Variants in ASH1L observed in about 807,000 individuals in gnomAD.
ASH1L encodes ASH1 like histone lysine methyltransferase.
A neutral mutation model predicts 269.0 loss-of-function variants in ASH1L; 23 were observed. That is an observed-to-expected ratio of 0.09 (90% CI 0.06 to 0.12). ASH1L has a LOEUF of 0.12. Among genes scored for constraint, ASH1L ranks in the 10% least tolerant of loss-of-function variants. ASH1L has a pLI of 1.00. For synonymous variants in ASH1L, 1,187 were observed against 1,253.5 expected, an observed-to-expected ratio of 0.95 and a Z score of 1.12; for missense variants, 2,912 against 3,567.8, an observed-to-expected ratio of 0.82 and a Z score of 4.68.
intron 1 of ASH1L, among the ~76,000 whole-genome samples, chr1:155,531,381 CAG>C (rs1281085051): frequency 1.3e-5 from 2 of 148,800 alleles, no homozygotes; most frequent in African/African-American, 5.0e-5. Flanking sequence ...TTTTTTGAAA[CAG>C]AGTCTCCCTG....
chr1:155,448,219 G>C (rs1663177346), intron 4 of ASH1L, among the ~76,000 whole-genome samples: 1 of 152,182 alleles, frequency 6.6e-6, no homozygotes, highest in South Asian at 2.1e-4. Context: ...CTATTTTTAT[G>C]CTAGTACCAT....
At chr1:155,345,962 C>T in intron 21 of ASH1L, 1 of 353,216 alleles carries the variant, frequency 2.8e-6, no homozygotes, top group East Asian at 7.8e-5. Context: ...CACCCAAGTA[C>T]CTGAGACTTC....
At chr1:155,360,902 C>G (rs115570723) in intron 12 of ASH1L, among the ~76,000 whole-genome samples, 282 of 152,132 alleles carry the variant, frequency 1.9e-3, no homozygotes, top group African/African-American at 6.6e-3. Context: ...GCCTGTATTC[C>G]CCGCACTTTG....
intron 12 of ASH1L, among the ~76,000 whole-genome samples, chr1:155,368,815 A>G (rs1238121461): frequency 6.6e-6 from 1 of 152,260 alleles, no homozygotes; most frequent in Non-Finnish European, 1.5e-5. Context: ...AGTTGTTCAC[A>G]GTAATTGATA....
Position 155,474,709 on chromosome 1 carries a change from G to GA in ASH1L, c.4984+3176dup, listed in dbSNP as rs903380595. Among the ~76,000 whole-genome samples, 376 of 143,500 alleles carry GA rather than the reference G, an allele frequency of 2.6e-3. 6 individuals are homozygous for GA. In the East Asian group the frequency reaches 0.054, roughly 21 times the overall value. 94.1% of individuals were successfully genotyped at this position (143,500 alleles called of 152,430 possible). On this transcript the variant is annotated intron_variant, in intron 3 of 27. Coordinates refer to ENST00000392403, the MANE Select transcript of ASH1L (RefSeq NM_018489.3). ...GTGAGAGCCTGTCTCAAAAACAAAA[G>GA]AAAAAAAAAAACTGTGTTCTCCTCT...
intron 1 of ASH1L, among the ~76,000 whole-genome samples, chr1:155,547,107 C>T (rs1275798208): frequency 6.6e-6 from 1 of 151,310 alleles, no homozygotes; most frequent in Non-Finnish European, 1.5e-5. Flanking sequence ...CATGTGCTAC[C>T]ATGCCCAGCT....
At chr1:155,446,443 T>A (rs561526249) in intron 4 of ASH1L, among the ~76,000 whole-genome samples, 9 of 149,776 alleles carry the variant, frequency 6.0e-5, no homozygotes, top group Non-Finnish European at 1.0e-4. Context: ...AGACTACAGG[T>A]GTGCGGCACC....
chr1:155,457,680 G>A (rs906676752), intron 4 of ASH1L, among the ~76,000 whole-genome samples: 4 of 152,052 alleles, frequency 2.6e-5, no homozygotes, highest in Non-Finnish European at 4.4e-5. Context: ...AATTATTGAG[G>A]GCAGTAACTC....
At chr1:155,440,675 G>C in intron 4 of ASH1L, 2 of 195,212 alleles carry the variant, frequency 1.0e-5, no homozygotes, top group Non-Finnish European at 1.9e-5. Context: ...TTTCTAGCCT[G>C]AGCTTTTTTC....
intron 1 of ASH1L, among the ~76,000 whole-genome samples, chr1:155,559,430 G>A (rs906500854): frequency 6.6e-6 from 1 of 151,494 alleles, no homozygotes; most frequent in Non-Finnish European, 1.5e-5. Context: ...AGCTACTCGG[G>A]AGGCTGAGGC....
At chr1:155,474,504 G>C (rs969165618) in intron 3 of ASH1L, among the ~76,000 whole-genome samples, 3 of 152,096 alleles carry the variant, frequency 2.0e-5, no homozygotes, top group Non-Finnish European at 4.4e-5. Context: ...TTCAAGATCA[G>C]CCTGGGCGGC....
chr1:155,365,678 T>C (rs935353108), intron 12 of ASH1L, among the ~76,000 whole-genome samples: 4 of 152,180 alleles, frequency 2.6e-5, no homozygotes, highest in African/African-American at 4.8e-5. Context: ...TGGAGTGCTT[T>C]CTATTAAGGA....
Position 155,481,811 on chromosome 1 carries a change from T to A in ASH1L, c.1059A>T (p.Lys353Asn). The change falls in exon 3 of 28, where the codon AAA (lysine) becomes AAT (asparagine). Residue 353 changes from lysine (K) to asparagine (N), a missense_variant. Lys to Asn is a moderately conservative substitution (Grantham distance 94, BLOSUM62 0). This residue lies in a region of ASH1L where 277 missense variants were observed against 367.7 expected (regional missense o/e 0.75). Coordinates refer to ENST00000392403, the MANE Select transcript of ASH1L (RefSeq NM_018489.3). ...CAAGTCCTAACTTCTTGCCAGACTCTTTATGCACTAAACCTGGAACAATAC... is the reference window on the plus strand; with the variant it reads ...CAAGTCCTAACTTCTTGCCAGACTCATTATGCACTAAACCTGGAACAATAC... Reference protein sequence around the residue: ...GIGIVPGLVHKESGKKLGLGT... With the variant: ...GIGIVPGLVHNESGKKLGLGT... 1 of 1,614,240 alleles carries A rather than the reference T, an allele frequency of 6.2e-7. No homozygotes were observed.
chr1:155,354,798 T>G (rs760828634), intron 15 of ASH1L, among the ~76,000 whole-genome samples, 168 bp from the exon 16 acceptor site: 2 of 152,310 alleles, frequency 1.3e-5, no homozygotes, highest in African/African-American at 2.4e-5. Context: ...TTTTTTTACA[T>G]TACATAAAAC....
Position 155,438,834 on chromosome 1 carries a change from G to T in ASH1L, c.5321C>A (p.Ser1774Tyr), listed in dbSNP as rs765210835. ...TAGGAGTGAGATGCTATTATTGCAA[G>T]AGTCACTTGTGACTGCAGGCACTAA... is the stretch of plus-strand genomic sequence containing the variant. ...SLLVPAVTSD[S>Y]CNNSISLLSE... The change falls in exon 5 of 28, where the codon TCT becomes TAT. Residue 1774 changes from serine to tyrosine, a missense_variant. Physicochemically the swap from Ser to Tyr is moderately radical, Grantham distance 144 (BLOSUM62 -2). Around this residue, in one of 13 missense-constraint regions of ASH1L, gnomAD observed 789 missense variants for 897.6 expected, o/e 0.88. Transcript: ENST00000392403. 1 of 1,614,198 alleles carries T rather than the reference G, an allele frequency of 6.2e-7. No homozygotes were observed. The highest frequency in any genetic ancestry group is 2.2e-5 in the East Asian group (1 of 44,884).
intron 2 of ASH1L, among the ~76,000 whole-genome samples, chr1:155,494,693 CAGG>C (rs755702760): frequency 1.3e-4 from 20 of 152,016 alleles, no homozygotes; most frequent in Non-Finnish European, 2.5e-4. Context: ...AAATGATGAT[CAGG>C]AGTTTAGTTT....
At chr1:155,493,225 C>T (rs1666931021) in intron 2 of ASH1L, among the ~76,000 whole-genome samples, 2 of 152,086 alleles carry the variant, frequency 1.3e-5, no homozygotes, top group Admixed American at 1.3e-4. Flanking sequence ...GACTGTTTTT[C>T]CATACGTATA....
chr1:155,395,506 G>A lies in ASH1L; in HGVS notation c.6056C>T (p.Thr2019Ile). 6.2e-7 allele frequency: 1 copy of A among 1,611,384 alleles called. No individual in the cohort carries two copies. The highest frequency in any genetic ancestry group is 8.5e-7 in the Non-Finnish European group (1 of 1,178,846). The change falls in exon 7 of 28, where the codon ACT becomes ATT. Residue 2019 changes from threonine to isoleucine, a missense_variant. Physicochemically the swap from Thr to Ile is moderately conservative, Grantham distance 89. Transcript: ENST00000392403. ...IQLKKEKLEY[T>I]PGEHEYGLFP... ...TAATCCATATTCATGCTCTCCTGGAGTATACTCCAGCTTCTCTTTCTTTAA... is the reference window on the plus strand; with the variant it reads ...TAATCCATATTCATGCTCTCCTGGAATATACTCCAGCTTCTCTTTCTTTAA...
intron 2 of ASH1L, among the ~76,000 whole-genome samples, chr1:155,489,795 A>AATAT (rs1553267666): frequency 7.1e-6 from 1 of 141,498 alleles, no homozygotes; most frequent in Non-Finnish European, 1.5e-5. Flanking sequence ...ACACTGTCTC[A>AATAT]AAATAAATAA....
Sources: gnomAD v4.1 joint callset for allele counts (sites outside exome capture counted in the v4.1 genomes callset) on GRCh38, gnomAD v4.1.1 for gene constraint, gnomAD v4.1.1 regional missense constraint, MANE v1.5 for transcripts, NCBI Gene and HGNC (gene_info 2026-07-23, HGNC 2026-07-21) for gene names.